Variants in MTMR8 observed in about 807,000 individuals in gnomAD.
MTMR8 encodes the protein myotubularin related protein 8.
In MTMR8, 65 loss-of-function variants were observed where a neutral mutation model predicts 39.3. The observed-to-expected ratio is 1.65, with a 90% CI of 1.35 to 2.03. MTMR8 has a LOEUF of 2.03. Among genes scored for constraint, MTMR8 ranks in the 30% most tolerant of loss-of-function variants. The pLI is 0.00. For missense variants in MTMR8, 777 were observed against 538.9 expected, an observed-to-expected ratio of 1.44 and a Z score of -4.37; for synonymous variants, 245 against 185.2, an observed-to-expected ratio of 1.32 and a Z score of -2.62.
At chrX:64,325,362 C>A (rs1394582112) in intron 12 of MTMR8, among the ~76,000 whole-genome samples, 1 of 111,599 alleles carries the variant, frequency 9.0e-6, no homozygotes, top group Non-Finnish European at 1.9e-5. Flanking sequence ...AAAAGAATAT[C>A]CCTGATGAAC....
At chrX:64,331,109 C>T (rs1310572242) in intron 11 of MTMR8, among the ~76,000 whole-genome samples, 5 of 111,326 alleles carry the variant, frequency 4.5e-5, no homozygotes, top group Non-Finnish European at 7.6e-5. Context: ...CAAAAACCTA[C>T]GGAAATAAAC....
chrX:64,339,581 G>A (rs1923163763), intron 8 of MTMR8, among the ~76,000 whole-genome samples: 1 of 111,507 alleles, frequency 9.0e-6, no homozygotes, highest in Non-Finnish European at 1.9e-5. Flanking sequence ...GCAATAACTA[G>A]AAGATTGAAA....
At chrX:64,269,270 TTATGATA>T (rs1931702798) in intron 13 of MTMR8, among the ~76,000 whole-genome samples, 1 of 111,780 alleles carries the variant, frequency 8.9e-6, no homozygotes, top group Non-Finnish European at 1.9e-5. Context: ...AAGTCATCTT[TTATGATA>T]AGTGCAATTT....
rs1282747256 is a variant in MTMR8 at position 64,268,833 on chromosome X, C to G, written c.1819G>C (p.Asp607His). ...QMDQVKSQGA[D>H]LHHNCCEIVG... ...ATCTCACAACAGTTATGGTGGAGGT[C>G]TGCACCCTGGCTTTTTACTTGATCC... Residue 607 changes from aspartate to histidine, a missense_variant, in exon 14 of 14, where the codon GAC (aspartate) becomes CAC (histidine). Asp to His is a moderately conservative substitution (Grantham distance 81). Coordinates refer to ENST00000374852, the MANE Select transcript of MTMR8 (RefSeq NM_017677.4). The G allele has an allele frequency of 8.3e-7, 1 of 1,209,833 alleles. No individual in the cohort carries two copies. Among genetic ancestry groups the G allele is most frequent in the African/African-American group, 1.8e-5 (1 of 57,045 alleles).
At chrX:64,310,779 C>T (rs780479463) in intron 12 of MTMR8, among the ~76,000 whole-genome samples, 1 of 110,799 alleles carries the variant, frequency 9.0e-6, no homozygotes, top group African/African-American at 3.3e-5. Context: ...TGATAGTTTG[C>T]TGAGAACGAC....
chrX:64,395,415 C>A lies in MTMR8; in HGVS notation c.-52G>T, dbSNP rs774877408. On this transcript the variant is annotated 5_prime_UTR_variant, in exon 1 of 14. Coordinates refer to ENST00000374852, the MANE Select transcript of MTMR8 (RefSeq NM_017677.4). ...CTCAGTGCTACTCCAGATGCCGCCGCCACCGGTCTAGCCGCCTCCTGCCTC... is the reference window on the plus strand; with the variant it reads ...CTCAGTGCTACTCCAGATGCCGCCGACACCGGTCTAGCCGCCTCCTGCCTC... The A allele has an allele frequency of 3.4e-6, 4 of 1,181,344 alleles. No homozygotes were observed. In the East Asian group the frequency reaches 1.2e-4, roughly 35 times the overall value.
chrX:64,322,311 T>A (rs1359307557), intron 12 of MTMR8, among the ~76,000 whole-genome samples: 1 of 111,220 alleles, frequency 9.0e-6, no homozygotes, highest in African/African-American at 3.3e-5. Context: ...TTTGCTTGTA[T>A]TTTGTTGAGG....
intron 1 of MTMR8, among the ~76,000 whole-genome samples, chrX:64,365,278 C>T (rs1236595163): frequency 9.1e-6 from 1 of 110,220 alleles, no homozygotes; most frequent in Admixed American, 9.7e-5. Flanking sequence ...AGATACTCCT[C>T]GAGAAGAACA....
At chrX:64,274,797 G>T (rs1228763063) in intron 12 of MTMR8, among the ~76,000 whole-genome samples, 1 of 112,034 alleles carries the variant, frequency 8.9e-6, no homozygotes, top group Non-Finnish European at 1.9e-5. Flanking sequence ...AGTGAAATAA[G>T]CCAGACACAG....
chrX:64,364,447 C>T (rs752076504), intron 1 of MTMR8, among the ~76,000 whole-genome samples: 1 of 112,001 alleles, frequency 8.9e-6, no homozygotes, highest in South Asian at 3.8e-4. Flanking sequence ...CTGCAGCCTC[C>T]ACTGGTGATA....
intron 7 of MTMR8, among the ~76,000 whole-genome samples, chrX:64,344,035 C>G (rs965772875): frequency 5.8e-5 from 6 of 103,583 alleles, no homozygotes; most frequent in African/African-American, 2.5e-4. Flanking sequence ...TATTTGATCC[C>G]TATCCTAATC....
At chrX:64,282,730 A>T (rs1921005728) in intron 12 of MTMR8, among the ~76,000 whole-genome samples, 1 of 111,401 alleles carries the variant, frequency 9.0e-6, no homozygotes, top group Non-Finnish European at 1.9e-5. Flanking sequence ...GCTACATCAA[A>T]ATTAAACTTT....
chrX:64,361,876 T>A (rs1459613508), intron 1 of MTMR8, among the ~76,000 whole-genome samples: 1 of 110,607 alleles, frequency 9.0e-6, no homozygotes, highest in Non-Finnish European at 1.9e-5. Context: ...GAAGGGAAGT[T>A]CTATATTTGG....
At chrX:64,378,067 C>T (rs1249160655) in intron 1 of MTMR8, among the ~76,000 whole-genome samples, 3 of 111,905 alleles carry the variant, frequency 2.7e-5, no homozygotes, top group Non-Finnish European at 5.6e-5. Flanking sequence ...TGAGTCCTTC[C>T]CAGCCATGTT....
Position 64,372,714 on chromosome X carries a change from C to G in MTMR8, c.25-13187G>C, listed in dbSNP as rs777999373. Among the ~76,000 whole-genome samples, 3 of 111,445 alleles carry G rather than the reference C, an allele frequency of 2.7e-5. No individual in the cohort carries two copies. In the East Asian group the frequency reaches 8.4e-4, roughly 31 times the overall value. On this transcript the variant is annotated intron_variant, in intron 1 of 13. Transcript: ENST00000374852. ...ACTGTATGGATATATCATAAGTTATCTAACCATTTACTCACTGAAGGGACA... is the reference window on the plus strand; with the variant it reads ...ACTGTATGGATATATCATAAGTTATGTAACCATTTACTCACTGAAGGGACA...
chrX:64,303,764 CA>C (rs1478543220), intron 12 of MTMR8, among the ~76,000 whole-genome samples: 4 of 112,404 alleles, frequency 3.6e-5, no homozygotes, highest in Non-Finnish European at 7.5e-5. Context: ...TCATATAAAA[CA>C]AAGTTTGAAA....
At chrX:64,353,721 G>T (rs1923543573) in intron 4 of MTMR8, among the ~76,000 whole-genome samples, 1 of 111,174 alleles carries the variant, frequency 9.0e-6, no homozygotes, top group Non-Finnish European at 1.9e-5. Context: ...GCCAAGGAGG[G>T]AGGATCGCTT....
intron 12 of MTMR8, among the ~76,000 whole-genome samples, chrX:64,281,728 G>A (rs1298866859): frequency 8.6e-5 from 9 of 104,096 alleles, no homozygotes; most frequent in East Asian, 2.8e-4. Flanking sequence ...AAGAGCTTCC[G>A]AATAGCAAAA....
chrX:64,386,306 G>A (rs1924555547), intron 1 of MTMR8, among the ~76,000 whole-genome samples: 2 of 111,663 alleles, frequency 1.8e-5, no homozygotes, highest in Admixed American at 9.5e-5. Flanking sequence ...TATAGAAGGT[G>A]GCTAAAGGGT....
Sources: allele counts gnomAD v4.1 joint callset (sites outside exome capture counted in the v4.1 genomes callset), GRCh38; gene constraint gnomAD v4.1.1; transcripts MANE v1.5; gene names NCBI Gene and HGNC (gene_info 2026-07-23, HGNC 2026-07-21).